Variants in POLA1 observed in about 807,000 individuals in gnomAD.
POLA1 encodes the protein DNA polymerase alpha catalytic subunit.
Under a neutral mutation model 124.0 loss-of-function variants are expected in POLA1, and 15 were observed. The observed-to-expected ratio is 0.12, with a 90% CI of 0.08 to 0.19. The LOEUF is 0.19. Among genes scored for constraint, POLA1 ranks in the 10% least tolerant of loss-of-function variants. The pLI is 1.00. For missense variants in POLA1, 886 were observed against 1,103.4 expected (o/e 0.80, Z 2.79); for synonymous variants, 408 against 389.4 (o/e 1.05, Z -0.56).
chrX:24,748,101 C>T (rs1254957471), intron 24 of POLA1, among the ~76,000 whole-genome samples: 1 of 111,919 alleles, frequency 8.9e-6, no homozygotes, highest in African/African-American at 3.2e-5. Flanking sequence ...TTGGGAATGA[C>T]AGCCTAATAT....
intron 36 of POLA1, among the ~76,000 whole-genome samples, chrX:24,951,341 C>T (rs1384348052): frequency 2.2e-5 from 1 of 45,222 alleles, no homozygotes; most frequent in African/African-American, 1.0e-4. Flanking sequence ...AAACACCTCC[C>T]TACCCCCCCC....
At chrX:24,855,713 T>A (rs1290756726) in intron 34 of POLA1, among the ~76,000 whole-genome samples, 1 of 111,550 alleles carries the variant, frequency 9.0e-6, no homozygotes, top group Non-Finnish European at 1.9e-5. Flanking sequence ...TTCAACGCCA[T>A]GATCAGTGGT....
chrX:24,752,599 T>A (rs1932378477), intron 26 of POLA1, among the ~76,000 whole-genome samples: 1 of 112,055 alleles, frequency 8.9e-6, no homozygotes, highest in African/African-American at 3.2e-5. Flanking sequence ...GAAGTGATTG[T>A]TCACTAGATG....
chrX:24,811,187 C>T (rs2045893395), intron 28 of POLA1, among the ~76,000 whole-genome samples: 1 of 110,862 alleles, frequency 9.0e-6, no homozygotes, highest in South Asian at 3.9e-4. Context: ...TTCAAGCGAT[C>T]CTCCCACCTT....
At chrX:24,951,632 G>A (rs1383482069) in intron 36 of POLA1, among the ~76,000 whole-genome samples, 1 of 110,653 alleles carries the variant, frequency 9.0e-6, no homozygotes, top group African/African-American at 3.3e-5. Context: ...CCCATTTCTT[G>A]TTATTTTAAA....
rs1930644873 is a variant in POLA1, at chrX:24,727,950, G to A, written c.1686+14G>A. The stretch of plus-strand genomic sequence containing the variant: ...CATCAAAATGAGGTTTAAAAAATAG[G>A]ACAGATTTTGTACCCATGCCTTAGA... On this transcript the variant is annotated intron_variant, in intron 15 of 36. Transcript: ENST00000379068. The A allele has an allele frequency of 8.4e-7, 1 of 1,187,687 alleles. No homozygotes were observed. Among genetic ancestry groups the A allele is most frequent in the Non-Finnish European group, 1.1e-6 (1 of 876,003 alleles).
At position 24,715,809 on chromosome X, in the gene POLA1, T is replaced by C. The variant is rs11573322; in HGVS notation, c.526-553T>C. 2.0e-3 allele frequency among the ~76,000 whole-genome samples: 222 copies of C among 111,345 alleles called. 2 individuals carry two copies. The East Asian group carries it at 0.046, about 23-fold the overall frequency. On this transcript the variant is annotated intron_variant, in intron 6 of 36. Transcript: ENST00000379068. ...GTTCTGTGAGTGCTCACTGCTTGTG[T>C]TCAGTTGCTGTGGTGTATGTTCCCT...
chrX:24,769,144 G>A (rs1187828487), intron 26 of POLA1, among the ~76,000 whole-genome samples: 5 of 111,633 alleles, frequency 4.5e-5, no homozygotes, highest in African/African-American at 9.8e-5. Flanking sequence ...CTCATTCTAT[G>A]TAAGAATTAC....
intron 29 of POLA1, among the ~76,000 whole-genome samples, chrX:24,813,811 C>CAAAA (rs553323828): frequency 1.5e-4 from 5 of 33,958 alleles, no homozygotes; most frequent in Non-Finnish European, 1.9e-4. Flanking sequence ...GAGACGCCGT[C>CAAAA]AAAAAAAAAA....
At chrX:24,840,619 A>C (rs555773128) in intron 32 of POLA1, among the ~76,000 whole-genome samples, 10 of 112,568 alleles carry the variant, frequency 8.9e-5, no homozygotes, top group African/African-American at 3.2e-4. Context: ...GATAAATTTT[A>C]AACAATTTTT....
intron 26 of POLA1, among the ~76,000 whole-genome samples, chrX:24,755,769 CCT>C (rs767906864): frequency 1.5e-4 from 17 of 112,093 alleles, no homozygotes; most frequent in Non-Finnish European, 2.6e-4. Context: ...GACATTCTCC[CCT>C]GTTTTCTTCT....
Position 24,798,314 on chromosome X carries a change from G to A in POLA1, c.2965-11584G>A, listed in dbSNP as rs2045646380. On this transcript the variant is annotated intron_variant, in intron 26 of 36. Coordinates refer to ENST00000379068, the MANE Select transcript of POLA1 (RefSeq NM_001330360.2). Reference sequence around the variant, plus strand: ...TCTTAAATATATAGTTGACCCTTAAGCAACATGAGTTTGAACTGTGTGAGT... The same window carrying A: ...TCTTAAATATATAGTTGACCCTTAAACAACATGAGTTTGAACTGTGTGAGT... 2.7e-5 allele frequency among the ~76,000 whole-genome samples: 3 copies of A among 110,721 alleles called. No individual in the cohort carries two copies. The South Asian group carries it at 1.2e-3, about 43-fold the overall frequency.
chrX:24,932,085 G>T (rs1267159030), intron 36 of POLA1, among the ~76,000 whole-genome samples: 1 of 111,800 alleles, frequency 8.9e-6, no homozygotes, highest in Non-Finnish European at 1.9e-5. Flanking sequence ...TTCTAGTAGA[G>T]AGGGGGTTTC....
chrX:24,764,159 A>G (rs1447977653), intron 26 of POLA1, among the ~76,000 whole-genome samples: 1 of 112,031 alleles, frequency 8.9e-6, no homozygotes, highest in African/African-American at 3.2e-5. Flanking sequence ...TAAATGAGAT[A>G]ATGTGTGTTA....
intron 35 of POLA1, among the ~76,000 whole-genome samples, chrX:24,914,168 C>G (rs1396995073): frequency 9.0e-6 from 1 of 110,944 alleles, no homozygotes; most frequent in Non-Finnish European, 1.9e-5. Context: ...CATAGTGAGA[C>G]CCTGTCTCAA....
At position 24,724,328 on chromosome X, in the gene POLA1, A is replaced by G; in HGVS notation, c.1201-7A>G. 1 of 933,650 alleles carries G rather than the reference A, an allele frequency of 1.1e-6. No homozygotes were observed. 76.9% of individuals were successfully genotyped at this position (933,650 alleles called of 1,213,427 possible). ...TTTCCCCTCTGTCCCCTTCTCTGGG[A>G]TAACAGAAAATTGATCTAAATACGG... On this transcript the variant is annotated splice_polypyrimidine_tract_variant and splice_region_variant and intron_variant, in intron 11 of 36. Transcript: ENST00000379068.
At chrX:24,922,452 A>T (rs888409104) in intron 35 of POLA1, among the ~76,000 whole-genome samples, 1 of 111,423 alleles carries the variant, frequency 9.0e-6, no homozygotes, top group African/African-American at 3.3e-5. Context: ...TTTTATCAAT[A>T]TAGATGTCTA....
chrX:24,952,695 ATG>A, intron 36 of POLA1, among the ~76,000 whole-genome samples: 1 of 112,670 alleles, frequency 8.9e-6, no homozygotes. Context: ...AAATTAATAA[ATG>A]CAGTTTTTTA....
chrX:24,851,970 G>A (rs1457027425), intron 34 of POLA1, among the ~76,000 whole-genome samples: 1 of 112,730 alleles, frequency 8.9e-6, no homozygotes, highest in Non-Finnish European at 1.9e-5. Context: ...GTCAACAAGA[G>A]ATGGGAGGAG....
Sources: gnomAD v4.1 joint callset for allele counts (sites outside exome capture counted in the v4.1 genomes callset) on GRCh38, gnomAD v4.1.1 for gene constraint, MANE v1.5 for transcripts, NCBI Gene and HGNC (gene_info 2026-07-23, HGNC 2026-07-21) for gene names.